The following IMMP2L variants were observed in gnomAD, a reference collection of about 807,000 sequenced individuals.
IMMP2L encodes mitochondrial inner membrane protease subunit 2.
IMMP2L carries 18 observed loss-of-function variants against 19.3 expected under a neutral mutation model. The ratio of observed to expected loss-of-function variants is 0.93; its 90% CI spans 0.64 to 1.38. The LOEUF is 1.38. Among genes scored for constraint, IMMP2L ranks in the 40% most tolerant of loss-of-function variants. The pLI, the probability that IMMP2L is intolerant of heterozygous loss-of-function variation, is 0.00. For synonymous variants in IMMP2L, 76 were observed against 73.0 expected, an observed-to-expected ratio of 1.04 and a Z score of -0.21; for missense variants, 233 against 218.2, an observed-to-expected ratio of 1.07 and a Z score of -0.43.
At chr7:111,283,016 A>G (rs1017990507) in intron 3 of IMMP2L, among the ~76,000 whole-genome samples, 26 of 152,178 alleles carry the variant, frequency 1.7e-4, no homozygotes, top group African/African-American at 5.3e-4. Context: ...CAACACCTGA[A>G]TATACATTAT....
intron 3 of IMMP2L, among the ~76,000 whole-genome samples, chr7:111,339,578 A>G (rs1206860955): frequency 6.6e-6 from 1 of 151,970 alleles, no homozygotes; most frequent in Non-Finnish European, 1.5e-5. Flanking sequence ...AAAATTGCAG[A>G]AATAGTGACT....
chr7:111,181,089 A>G (rs925716357), intron 3 of IMMP2L, among the ~76,000 whole-genome samples: 5 of 152,020 alleles, frequency 3.3e-5, no homozygotes, highest in Admixed American at 3.3e-4. Context: ...CTATTTAAAT[A>G]TAATTAGGAG....
intron 3 of IMMP2L, among the ~76,000 whole-genome samples, chr7:111,050,214 T>G (rs759278988): frequency 6.6e-6 from 1 of 152,222 alleles, no homozygotes; most frequent in Non-Finnish European, 1.5e-5. Flanking sequence ...CAAGTGGTTT[T>G]AATCCATAGA....
Position 111,004,013 on chromosome 7 carries a change from C to A in IMMP2L, c.240-40448G>T, listed in dbSNP as rs114987098. 4.0e-3 allele frequency among the ~76,000 whole-genome samples: 615 copies of A among 152,208 alleles called. 5 individuals carry two copies. The highest frequency in any genetic ancestry group is 0.014 in the African/African-American group (593 of 41,526). On this transcript the variant is annotated intron_variant, in intron 3 of 5. Transcript: ENST00000405709. ...AAAGCAATGAATCATTGCCAAAGAT[C>A]ATGGATTCTCTGAATGAAAGGTCAA...
At chr7:111,231,743 A>G (rs1340184259) in intron 3 of IMMP2L, among the ~76,000 whole-genome samples, 1 of 152,080 alleles carries the variant, frequency 6.6e-6, no homozygotes, top group Admixed American at 6.6e-5. Context: ...GAAGTAACAT[A>G]AAGTCAGAGA....
intron 5 of IMMP2L, among the ~76,000 whole-genome samples, chr7:110,679,563 C>T (rs184969935): frequency 4.9e-4 from 74 of 152,184 alleles, no homozygotes; most frequent in African/African-American, 1.7e-3. Context: ...AGGCAGCCAC[C>T]GAGACAGACT....
At chr7:111,365,768 G>A (rs1829705401) in intron 3 of IMMP2L, among the ~76,000 whole-genome samples, 1 of 152,016 alleles carries the variant, frequency 6.6e-6, no homozygotes, top group South Asian at 2.1e-4. Flanking sequence ...CATGGCTTCT[G>A]GAGAAATGGC....
chr7:111,347,615 AC>A (rs2130851002), intron 3 of IMMP2L, among the ~76,000 whole-genome samples: 1 of 152,138 alleles, frequency 6.6e-6, no homozygotes, highest in Admixed American at 6.6e-5. Flanking sequence ...AAGGATGGCT[AC>A]AGAGAGGAAG....
intron 3 of IMMP2L, among the ~76,000 whole-genome samples, chr7:111,068,416 T>A (rs927747267): frequency 1.3e-5 from 2 of 151,678 alleles, no homozygotes; most frequent in Non-Finnish European, 2.9e-5. Context: ...AAGAAACAAG[T>A]GATTGGTCTT....
In IMMP2L at chr7:111,115,044, T is replaced by C. The variant is rs373679294; in HGVS notation, c.240-151479A>G. On this transcript the variant is annotated intron_variant, in intron 3 of 5. Transcript: ENST00000405709. ...GGAAAACAAGATGATTATACTTCAA[T>C]CTAAGATGAGTGAATATTAAGGATA... Among the ~76,000 whole-genome samples the C allele has an allele frequency of 1.4e-4, 22 of 152,226 alleles. 2 individuals are homozygous for C. In the East Asian group the frequency reaches 1.9e-3, roughly 13 times the overall value.
chr7:110,988,361 ATAG>A (rs2129559138), intron 3 of IMMP2L, among the ~76,000 whole-genome samples: 1 of 152,252 alleles, frequency 6.6e-6, no homozygotes, highest in South Asian at 2.1e-4. Flanking sequence ...AAAGAAACAG[ATAG>A]TAGAGGTTCA....
At chr7:111,286,827 G>C (rs1820536517) in intron 3 of IMMP2L, among the ~76,000 whole-genome samples, 1 of 152,160 alleles carries the variant, frequency 6.6e-6, no homozygotes, top group Non-Finnish European at 1.5e-5. Flanking sequence ...ACACCCATCA[G>C]TGGGTGACTG....
At chr7:111,208,771 A>G (rs933128413) in intron 3 of IMMP2L, among the ~76,000 whole-genome samples, 4 of 152,174 alleles carry the variant, frequency 2.6e-5, no homozygotes, top group African/African-American at 9.7e-5. Flanking sequence ...TTTATAGAAA[A>G]TGCTATGATT....
At chr7:110,910,884 T>C (rs1327050424) in intron 4 of IMMP2L, among the ~76,000 whole-genome samples, 1 of 152,094 alleles carries the variant, frequency 6.6e-6, no homozygotes, top group Non-Finnish European at 1.5e-5. Context: ...GGGGAAGATA[T>C]TGTTGATCTA....
At chr7:111,077,624 T>C (rs557710606) in intron 3 of IMMP2L, among the ~76,000 whole-genome samples, 13 of 152,324 alleles carry the variant, frequency 8.5e-5, no homozygotes, top group African/African-American at 2.6e-4. Flanking sequence ...TACCTGCCTC[T>C]AACCAATTCT....
At chr7:110,665,638 T>C (rs1047389195) in intron 5 of IMMP2L, among the ~76,000 whole-genome samples, 1 of 152,238 alleles carries the variant, frequency 6.6e-6, no homozygotes, top group Admixed American at 6.5e-5. Flanking sequence ...TAAAATGTCA[T>C]ATATCTGGAA....
At chr7:111,354,677 T>C (rs37654) in intron 3 of IMMP2L, among the ~76,000 whole-genome samples, 1 of 151,602 alleles carries the variant, frequency 6.6e-6, no homozygotes, top group Non-Finnish European at 1.5e-5. Context: ...TAAGAATATT[T>C]TGAAATATGG....
chr7:111,226,333 T>C (rs771260250), intron 3 of IMMP2L, among the ~76,000 whole-genome samples: 32 of 151,996 alleles, frequency 2.1e-4, no homozygotes, highest in Non-Finnish European at 4.4e-4. Context: ...TTTATTTTAC[T>C]ATTTTATTTT....
intron 3 of IMMP2L, among the ~76,000 whole-genome samples, chr7:111,047,791 T>C (rs1792555886): frequency 6.6e-6 from 1 of 152,252 alleles, no homozygotes; most frequent in East Asian, 1.9e-4. Context: ...CAGTCCAAGG[T>C]CCAGGTGGAC....
Sources: gnomAD v4.1 joint callset for allele counts (sites outside exome capture counted in the v4.1 genomes callset) on GRCh38, gnomAD v4.1.1 for gene constraint, MANE v1.5 for transcripts, NCBI Gene and HGNC (gene_info 2026-07-23, HGNC 2026-07-21) for gene names.